ZZEF1: variants seen among roughly 807,000 people sequenced by gnomAD.
The protein encoded by ZZEF1 is zinc finger ZZ-type and EF-hand domain-containing protein 1.
ZZEF1 carries 157 observed loss-of-function variants against 342.8 expected under a neutral mutation model. The ratio of observed to expected loss-of-function variants is 0.46; its 90% confidence interval spans 0.40 to 0.52. ZZEF1 has a LOEUF of 0.52. ZZEF1 is among the 20% of genes least tolerant of loss of function. The pLI, the probability that ZZEF1 is intolerant of heterozygous loss-of-function variation, is 0.00. For synonymous variants in ZZEF1, 1,505 were observed against 1,429.1 expected (o/e 1.05, Z -1.20); for missense variants, 3,480 against 3,725.6 (o/e 0.93, Z 1.72).
intron 39 of ZZEF1, among the ~76,000 whole-genome samples, chr17:4,038,038 T>C (rs1185380131): frequency 6.6e-6 from 1 of 152,234 alleles, no homozygotes; most frequent in East Asian, 1.9e-4. Context: ...ATCTCCTTGT[T>C]TGTAGAAAAC....
chr17:4,059,374 G>A, intron 30 of ZZEF1, 84 bp from the exon 31 acceptor site: 2 of 1,526,068 alleles, frequency 1.3e-6, no homozygotes, highest in Non-Finnish European at 1.7e-6. Flanking sequence ...ACATGAAAAA[G>A]AGCAAGTGGC....
rs79922585 is a variant in ZZEF1, at chr17:4,017,734, C to T, written c.7642-4G>A. Reference sequence around the variant, plus strand: ...GGTCACAGCGTGCAGGCCGGGACTGCAAACCCAAGACCACCATTACAGAGG... The same window carrying T: ...GGTCACAGCGTGCAGGCCGGGACTGTAAACCCAAGACCACCATTACAGAGG... On this transcript the variant is annotated splice_polypyrimidine_tract_variant and splice_region_variant and intron_variant, in intron 47 of 54. Coordinates refer to ENST00000381638, the MANE Select transcript of ZZEF1 (RefSeq NM_015113.4). This position sits in a 1 kb window ranked among gnomAD's most constrained non-coding sequence, Gnocchi z 5.1. The T allele has an allele frequency of 6.2e-7, 1 of 1,610,832 alleles. No individual in the cohort carries two copies. Among genetic ancestry groups the T allele is most frequent in the Admixed American group, 1.7e-5 (1 of 59,968 alleles).
At chr17:4,096,037 T>G (rs2058027866) in intron 10 of ZZEF1, 58 bp from the exon 11 acceptor site, 16 of 1,532,778 alleles carry the variant, frequency 1.0e-5, no homozygotes, top group Non-Finnish European at 1.4e-5. Context: ...GTGGCCGTTT[T>G]GTTTCCAGCA....
At chr17:4,075,017 C>T in intron 23 of ZZEF1, 80 bp downstream of exon 23, 1 of 1,416,322 alleles carries the variant, frequency 7.1e-7, no homozygotes, top group Non-Finnish European at 9.9e-7. Context: ...AAAGACCTTA[C>T]CTCTACTGCC....
intron 33 of ZZEF1, 148 bp from the exon 34 acceptor site, chr17:4,054,343 C>G: frequency 4.7e-6 from 4 of 858,522 alleles, no homozygotes; most frequent in Non-Finnish European, 6.9e-6. Context: ...TCCTCAGTGT[C>G]TAGTTGGGAA....
rs1309882964 is a variant in ZZEF1, at chr17:4,014,741, A to T, written c.8146-226T>A. On this transcript the variant is annotated intron_variant, in intron 49 of 54. Coordinates refer to ENST00000381638, the MANE Select transcript of ZZEF1 (RefSeq NM_015113.4). The surrounding 1 kb of genome is among the most constrained non-coding windows in gnomAD (Gnocchi z 4.4). ...GCAGGCAACACGGGGCCCCAGAGAA[A>T]GAGTGTCAGGCTGCTGTGAAGAGTG... Among the ~76,000 whole-genome samples, 1 of 152,192 alleles carries T rather than the reference A, an allele frequency of 6.6e-6. No homozygotes were observed. Among genetic ancestry groups the T allele is most frequent in the Non-Finnish European group, 1.5e-5 (1 of 68,036 alleles).
chr17:4,077,313 G>C (rs1363223758), intron 19 of ZZEF1, among the ~76,000 whole-genome samples: 1 of 152,104 alleles, frequency 6.6e-6, no homozygotes, highest in Non-Finnish European at 1.5e-5. Context: ...CCGTGCATTA[G>C]GTGTACCAAT....
intron 42 of ZZEF1, among the ~76,000 whole-genome samples, chr17:4,026,428 G>C (rs1355380708): frequency 1.3e-5 from 2 of 151,524 alleles, no homozygotes; most frequent in African/African-American, 4.8e-5. Flanking sequence ...AGGAAAAAGA[G>C]ACATTACAAA....
chr17:4,085,883 T>TTTGTAG lies in ZZEF1; in HGVS notation c.2513-81_2513-80insCTACAA, dbSNP rs1411120337. ...CATCTGCTATAACTAGCCTATAAAT[T>TTTGTAG]CACTACTCTCCATTTTGTACTTAAT... On this transcript the variant is annotated intron_variant, in intron 15 of 54. Transcript: ENST00000381638. 2.9e-5 allele frequency: 44 copies of TTTGTAG among 1,542,516 alleles called. No individual in the cohort carries two copies. The Admixed American group carries it at 7.8e-4, about 27-fold the overall frequency.
intron 1 of ZZEF1, among the ~76,000 whole-genome samples, chr17:4,128,863 C>T (rs2058619824): frequency 6.8e-6 from 1 of 147,930 alleles, no homozygotes; most frequent in Admixed American, 6.8e-5. Flanking sequence ...CCTCCGCCTC[C>T]CGAGTTCAAG....
chr17:4,120,261 G>T, intron 2 of ZZEF1, among the ~76,000 whole-genome samples: 1 of 152,016 alleles, frequency 6.6e-6, no homozygotes, highest in East Asian at 1.9e-4. Context: ...GGAGGCTGAG[G>T]CAGGAGAATT....
intron 14 of ZZEF1, among the ~76,000 whole-genome samples, chr17:4,086,942 GT>G (rs2057842604): frequency 6.6e-6 from 1 of 152,158 alleles, no homozygotes; most frequent in African/African-American, 2.4e-5. Flanking sequence ...GAGTGCAGTG[GT>G]GTGATCTCAG....
intron 45 of ZZEF1, among the ~76,000 whole-genome samples, chr17:4,020,835 G>C (rs903843448): frequency 6.6e-6 from 1 of 152,234 alleles, no homozygotes; most frequent in Non-Finnish European, 1.5e-5. Context: ...TAGGGCTTTA[G>C]TAAGCCCTTG....
At chr17:4,032,763 G>C in intron 41 of ZZEF1, 65 bp downstream of exon 41, 2 of 1,549,320 alleles carry the variant, frequency 1.3e-6, no homozygotes, top group East Asian at 4.5e-5. Flanking sequence ...AGCCACAGAG[G>C]CTTTGGTGTG....
chr17:4,035,009 C>A lies in ZZEF1; in HGVS notation c.6307-717G>T, dbSNP rs1012217077. ...GTGAGACTCCGTCTCAAAAAACAAA[C>A]AACATGTCTGTGTGTGTATATATAT... On this transcript the variant is annotated intron_variant, in intron 39 of 54. Transcript: ENST00000381638. Among the ~76,000 whole-genome samples the A allele has an allele frequency of 3.3e-5, 5 of 152,202 alleles. No individual in the cohort carries two copies. In the East Asian group the frequency reaches 9.7e-4, roughly 29 times the overall value.
At chr17:4,045,976 C>T (rs186936957) in intron 37 of ZZEF1, among the ~76,000 whole-genome samples, 363 of 151,990 alleles carry the variant, frequency 2.4e-3, no homozygotes, top group Non-Finnish European at 2.7e-3. Flanking sequence ...TACAGGTGTC[C>T]GCCACCACAC....
At chr17:4,105,932 C>G (rs558206613) in intron 6 of ZZEF1, 123 bp from the exon 7 acceptor site, 15 of 734,856 alleles carry the variant, frequency 2.0e-5, no homozygotes, top group East Asian at 8.7e-5. Context: ...CACAGAGAAG[C>G]TGGCACACAA....
At chr17:4,043,999 T>TA (rs2056856480) in intron 38 of ZZEF1, among the ~76,000 whole-genome samples, 1 of 152,228 alleles carries the variant, frequency 6.6e-6, no homozygotes, top group African/African-American at 2.4e-5. Context: ...GTGTTTGGCA[T>TA]ATAGAAAGCA....
intron 5 of ZZEF1, among the ~76,000 whole-genome samples, chr17:4,111,960 G>C (rs111294748): frequency 0.14 from 19,396 of 136,160 alleles, 1,607 homozygotes; most frequent in African/African-American, 0.2. Flanking sequence ...TTGAACCCAG[G>C]AGTCTGAGGT....
Sources: allele counts gnomAD v4.1 joint callset (sites outside exome capture counted in the v4.1 genomes callset), GRCh38; gene constraint gnomAD v4.1.1; non-coding constraint Gnocchi (gnomAD v3.1); transcripts MANE v1.5; gene names NCBI Gene and HGNC (gene_info 2026-07-23, HGNC 2026-07-21).